ROBO1: variants seen among roughly 807,000 people sequenced by gnomAD.
ROBO1 encodes roundabout homolog 1.
Under a neutral mutation model 195.9 loss-of-function variants are expected in ROBO1, and 149 were observed. The observed-to-expected ratio is 0.76, with a 90% CI of 0.67 to 0.87. ROBO1 has a LOEUF of 0.87. ROBO1 is among the 40% of genes least tolerant of loss of function. ROBO1 has a pLI of 0.00. For synonymous variants in ROBO1, 816 were observed against 733.2 expected, an observed-to-expected ratio of 1.11 and a Z score of -1.82; for missense variants, 1,933 against 2,068.3, an observed-to-expected ratio of 0.93 and a Z score of 1.27.
chr3:79,060,069 G>T (rs1179212588), intron 3 of ROBO1, among the ~76,000 whole-genome samples: 1 of 151,972 alleles, frequency 6.6e-6, no homozygotes, highest in Non-Finnish European at 1.5e-5. Context: ...CTCTAAAATG[G>T]TCGCTCTGAG....
chr3:79,122,860 C>CT (rs1384998517), intron 3 of ROBO1, among the ~76,000 whole-genome samples: 20 of 151,834 alleles, frequency 1.3e-4, no homozygotes, highest in Non-Finnish European at 4.4e-5. Flanking sequence ...GGTTTATTTT[C>CT]TTTTTTATAT....
chr3:78,872,952 T>G (rs2107164907), intron 4 of ROBO1, among the ~76,000 whole-genome samples: 1 of 152,304 alleles, frequency 6.6e-6, no homozygotes, highest in African/African-American at 2.4e-5. Context: ...TTGTAATCTG[T>G]TTATATTTCT....
chr3:79,576,477 C>G (rs1560008876), intron 2 of ROBO1, among the ~76,000 whole-genome samples: 3 of 151,984 alleles, frequency 2.0e-5, no homozygotes, highest in Non-Finnish European at 2.9e-5. Flanking sequence ...AGATACTTTA[C>G]AATCTTTATT....
intron 2 of ROBO1, among the ~76,000 whole-genome samples, chr3:79,196,246 C>T (rs1476620016): frequency 2.0e-5 from 3 of 148,388 alleles, no homozygotes; most frequent in South Asian, 2.1e-4. Flanking sequence ...TATCACTTCA[C>T]GTAGAGCTAG....
chr3:79,638,332 T>C (rs896955126), intron 1 of ROBO1, among the ~76,000 whole-genome samples: 2 of 152,212 alleles, frequency 1.3e-5, no homozygotes, highest in African/African-American at 4.8e-5. Context: ...GAAATCTCAG[T>C]TTCTAACTTA....
intron 2 of ROBO1, among the ~76,000 whole-genome samples, chr3:79,165,467 A>C (rs7639472): frequency 0.13 from 20,248 of 152,198 alleles, 2,137 homozygotes; most frequent in African/African-American, 0.29. Flanking sequence ...CTTTTCCATT[A>C]TTTGTCAGAA....
chr3:79,620,503 G>T (rs1944971995), intron 1 of ROBO1, among the ~76,000 whole-genome samples: 1 of 149,048 alleles, frequency 6.7e-6, no homozygotes, highest in Non-Finnish European at 1.5e-5. Flanking sequence ...CCCCAACTCT[G>T]GTGCCAACTT....
chr3:79,158,730 C>T (rs2108657834), intron 2 of ROBO1, among the ~76,000 whole-genome samples: 2 of 151,768 alleles, frequency 1.3e-5, no homozygotes, highest in South Asian at 4.2e-4. Flanking sequence ...TTACCTTAGC[C>T]TCTATTTCAT....
At chr3:78,751,276 G>A (rs561447034) in intron 4 of ROBO1, among the ~76,000 whole-genome samples, 172 of 151,692 alleles carry the variant, frequency 1.1e-3, no homozygotes, top group Non-Finnish European at 1.9e-3. Flanking sequence ...TCGGGGGAGA[G>A]GAGCATGCCA....
chr3:78,775,548 T>C (rs774865220), intron 4 of ROBO1, among the ~76,000 whole-genome samples: 34 of 152,208 alleles, frequency 2.2e-4, no homozygotes, highest in Non-Finnish European at 3.4e-4. Context: ...TTAGTCACTA[T>C]GCTATACAAA....
chr3:79,278,280 C>T lies in ROBO1; in HGVS notation c.89-152741G>A, dbSNP rs879272704. 3.3e-5 allele frequency among the ~76,000 whole-genome samples: 5 copies of T among 152,078 alleles called. No homozygotes were observed. The East Asian group carries it at 9.6e-4, about 29-fold the overall frequency. On this transcript the variant is annotated intron_variant, in intron 2 of 30. Coordinates refer to ENST00000464233, the MANE Select transcript of ROBO1 (RefSeq NM_002941.4). ...ATTCAATGTAATCTCTATCAACATA[C>T]TAATGGCATTCTTCACATACATGGA...
chr3:78,881,080 G>T (rs1436887171), intron 4 of ROBO1, among the ~76,000 whole-genome samples: 1 of 152,292 alleles, frequency 6.6e-6, no homozygotes, highest in East Asian at 1.9e-4. Context: ...CAGATGCGGG[G>T]ATGCTGCTTA....
At chr3:78,704,936 A>G (rs781208848) in intron 8 of ROBO1, among the ~76,000 whole-genome samples, 9 of 152,222 alleles carry the variant, frequency 5.9e-5, no homozygotes, top group Non-Finnish European at 1.3e-4. Flanking sequence ...TTAGAAAATT[A>G]TCAAATGCAC....
chr3:78,788,280 T>C (rs1254043843), intron 4 of ROBO1, among the ~76,000 whole-genome samples: 1 of 136,852 alleles, frequency 7.3e-6, no homozygotes, highest in East Asian at 2.1e-4. Flanking sequence ...CACGCCCAGA[T>C]AATTTTTTTT....
chr3:79,662,360 A>T (rs1946353819), intron 1 of ROBO1, among the ~76,000 whole-genome samples: 1 of 152,102 alleles, frequency 6.6e-6, no homozygotes. Flanking sequence ...GACTATCTTT[A>T]TAAAAACCTG....
chr3:79,711,932 T>TG lies in ROBO1; in HGVS notation c.-51+55819dup, dbSNP rs887380107. ...AATTTGTGGGGGATGGGCGGGTGGG[T>TG]GGGGGAGCACTATGAACTTTGCCCG... On this transcript the variant is annotated intron_variant, in intron 1 of 30. Coordinates refer to ENST00000464233, the MANE Select transcript of ROBO1 (RefSeq NM_002941.4). Among the ~76,000 whole-genome samples, 54 of 129,194 alleles carry TG rather than the reference T, an allele frequency of 4.2e-4. No individual in the cohort carries two copies. The East Asian group carries it at 9.6e-3, about 23-fold the overall frequency. The allele number at this position is 129,194 out of a possible 152,430, so 84.8% of individuals were successfully genotyped here.
At chr3:79,075,631 A>T (rs945968834) in intron 3 of ROBO1, among the ~76,000 whole-genome samples, 1 of 151,850 alleles carries the variant, frequency 6.6e-6, no homozygotes, top group Admixed American at 6.6e-5. Context: ...GCGGTGTGCT[A>T]GAAGAAATAG....
In ROBO1 at chr3:79,386,594, A is replaced by C. The variant is rs1475567074; in HGVS notation, c.88+203230T>G. Among the ~76,000 whole-genome samples, 4 of 152,152 alleles carry C rather than the reference A, an allele frequency of 2.6e-5. No homozygotes were observed. The East Asian group carries it at 7.7e-4, about 29-fold the overall frequency. ...TCACATTGCAGTTGACAGGGCATTC[A>C]AGCAGAGGGCTAACATGGATGAAAG... On this transcript the variant is annotated intron_variant, in intron 2 of 30. Coordinates refer to ENST00000464233, the MANE Select transcript of ROBO1 (RefSeq NM_002941.4).
At chr3:78,992,925 A>G (rs6770175) in intron 3 of ROBO1, among the ~76,000 whole-genome samples, 3,660 of 152,234 alleles carry the variant, frequency 0.024, 145 homozygotes, top group African/African-American at 0.082. Context: ...CAGTAAGGAC[A>G]AAAGAACACG....
Sources: allele counts gnomAD v4.1 joint callset (sites outside exome capture counted in the v4.1 genomes callset), GRCh38; gene constraint gnomAD v4.1.1; transcripts MANE v1.5; gene names NCBI Gene and HGNC (gene_info 2026-07-23, HGNC 2026-07-21).